PLCB1: variants seen among roughly 807,000 people sequenced by gnomAD.
PLCB1 encodes the protein 1-phosphatidylinositol 4,5-bisphosphate phosphodiesterase beta-1.
In PLCB1, 46 loss-of-function variants were observed where a neutral mutation model predicts 161.8. The ratio of observed to expected loss-of-function variants is 0.28; its 90% CI spans 0.22 to 0.36. The LOEUF is 0.36. Among genes scored for constraint, PLCB1 ranks in the 10% least tolerant of loss-of-function variants. The probability of loss-of-function intolerance (pLI) is 1.00; values close to 1 mark genes in which losing one functional copy is unlikely to be tolerated. For missense variants in PLCB1, 1,016 were observed against 1,472.5 expected, an observed-to-expected ratio of 0.69 and a Z score of 5.07; for synonymous variants, 517 against 503.7, an observed-to-expected ratio of 1.03 and a Z score of -0.35.
intron 2 of PLCB1, among the ~76,000 whole-genome samples, chr20:8,240,357 C>A (rs180964433): frequency 1.3e-5 from 2 of 151,814 alleles, no homozygotes; most frequent in Admixed American, 6.6e-5. Flanking sequence ...ATGTTCAATA[C>A]ATAGCATTTT....
At chr20:8,709,846 A>G (rs1243972695) in intron 12 of PLCB1, among the ~76,000 whole-genome samples, 1 of 152,150 alleles carries the variant, frequency 6.6e-6, no homozygotes, top group African/African-American at 2.4e-5. Context: ...AGTTTCTCCA[A>G]CGCTTCTGAG....
intron 2 of PLCB1, among the ~76,000 whole-genome samples, chr20:8,228,285 T>C (rs536203949): frequency 1.6e-4 from 24 of 152,166 alleles, no homozygotes; most frequent in Non-Finnish European, 3.5e-4. Flanking sequence ...TGATTATTCA[T>C]ACAAGTACCC....
intron 4 of PLCB1, among the ~76,000 whole-genome samples, chr20:8,631,147 G>A (rs1031044781): frequency 3.9e-5 from 6 of 152,200 alleles, no homozygotes; most frequent in African/African-American, 1.4e-4. Flanking sequence ...CACACAGGGA[G>A]CCTGTTAAAA....
At chr20:8,804,198 C>T (rs1254731106) in intron 31 of PLCB1, among the ~76,000 whole-genome samples, 1 of 152,158 alleles carries the variant, frequency 6.6e-6, no homozygotes, top group Non-Finnish European at 1.5e-5. Flanking sequence ...GCTAAGAACA[C>T]ATGACTTAGG....
chr20:8,448,434 A>G (rs1452067604), intron 3 of PLCB1, among the ~76,000 whole-genome samples: 4 of 152,186 alleles, frequency 2.6e-5, no homozygotes, highest in African/African-American at 9.6e-5. Context: ...TTGCTGATAT[A>G]CTTTTAACTA....
chr20:8,589,552 C>T (rs1987085985), intron 3 of PLCB1, among the ~76,000 whole-genome samples: 1 of 147,150 alleles, frequency 6.8e-6, no homozygotes, highest in Non-Finnish European at 1.5e-5. Flanking sequence ...AGACCATCTT[C>T]TTATTGTGTC....
At chr20:8,227,054 G>A (rs1008301371) in intron 2 of PLCB1, among the ~76,000 whole-genome samples, 1 of 152,110 alleles carries the variant, frequency 6.6e-6, no homozygotes, top group African/African-American at 2.4e-5. Flanking sequence ...ATTTCAACAT[G>A]TAATCAATAT....
chr20:8,354,609 A>G (rs1182536552), intron 2 of PLCB1, among the ~76,000 whole-genome samples: 1 of 152,250 alleles, frequency 6.6e-6, no homozygotes, highest in East Asian at 1.9e-4. Context: ...GTGGAAAAAC[A>G]GAACAAAAAG....
At chr20:8,180,305 A>G (rs1321101254) in intron 2 of PLCB1, among the ~76,000 whole-genome samples, 1 of 152,184 alleles carries the variant, frequency 6.6e-6, no homozygotes, top group Non-Finnish European at 1.5e-5. Context: ...GATAAAGCCT[A>G]TTTGATCATG....
At chr20:8,761,983 G>A (rs949796563) in intron 25 of PLCB1, among the ~76,000 whole-genome samples, 4 of 151,714 alleles carry the variant, frequency 2.6e-5, no homozygotes, top group Non-Finnish European at 5.9e-5. Context: ...CCAAGGGGGG[G>A]GCGGATCACC....
chr20:8,694,018 T>C (rs1990534651), intron 10 of PLCB1, among the ~76,000 whole-genome samples: 1 of 152,232 alleles, frequency 6.6e-6, no homozygotes. Context: ...ACTCATGACC[T>C]ATCACTAATC....
rs145989102 is a variant in PLCB1 at position 8,440,149 on chromosome 20, T to G, written c.246+68699T>G. 4.1e-3 allele frequency among the ~76,000 whole-genome samples: 631 copies of G among 152,250 alleles called. 7 individuals carry two copies. The highest frequency in any genetic ancestry group is 0.014 in the African/African-American group (601 of 41,560). On this transcript the variant is annotated intron_variant, in intron 3 of 31. Transcript: ENST00000338037. ...TGATCACCTCAAGGTCGCCATGAAA[T>G]GGGAAGATTTAAACTAGTGGTGTTT... is the stretch of plus-strand genomic sequence containing the variant.
chr20:8,224,854 G>A (rs545725598), intron 2 of PLCB1, among the ~76,000 whole-genome samples: 7 of 152,102 alleles, frequency 4.6e-5, no homozygotes, highest in East Asian at 1.9e-4. Flanking sequence ...GATGAGTTTC[G>A]TCTGGTTTTG....
chr20:8,415,737 A>G (rs1202626315), intron 3 of PLCB1, among the ~76,000 whole-genome samples: 1 of 152,226 alleles, frequency 6.6e-6, no homozygotes, highest in Non-Finnish European at 1.5e-5. Flanking sequence ...TAGGACACCA[A>G]CAGGGTCTTG....
At chr20:8,345,944 C>A (rs1220590024) in intron 2 of PLCB1, among the ~76,000 whole-genome samples, 1 of 152,174 alleles carries the variant, frequency 6.6e-6, no homozygotes, top group African/African-American at 2.4e-5. Context: ...AGAGAAGATG[C>A]CACAGTTTCT....
intron 10 of PLCB1, among the ~76,000 whole-genome samples, chr20:8,686,787 A>G (rs933168289): frequency 6.6e-6 from 1 of 152,260 alleles, no homozygotes; most frequent in South Asian, 2.1e-4. Context: ...GTTCTGGCAC[A>G]TAGAGATCTT....
At chr20:8,561,729 GA>G (rs1568508946) in intron 3 of PLCB1, among the ~76,000 whole-genome samples, 1 of 151,976 alleles carries the variant, frequency 6.6e-6, no homozygotes, top group Admixed American at 6.6e-5. Context: ...TTAGAAAGTG[GA>G]ATTTATAGAA....
chr20:8,207,220 C>A (rs980594081), intron 2 of PLCB1, among the ~76,000 whole-genome samples: 10 of 152,186 alleles, frequency 6.6e-5, no homozygotes, highest in East Asian at 5.8e-4. Flanking sequence ...ATTGAAAATA[C>A]CATCCTACAG....
chr20:8,345,381 G>A (rs975676404), intron 2 of PLCB1, among the ~76,000 whole-genome samples: 2 of 152,142 alleles, frequency 1.3e-5, no homozygotes, highest in Non-Finnish European at 2.9e-5. Context: ...AGCTTAAAAG[G>A]GAGCCCAAAC....
Sources: allele counts gnomAD v4.1 joint callset (sites outside exome capture counted in the v4.1 genomes callset), GRCh38; gene constraint gnomAD v4.1.1; transcripts MANE v1.5; gene names NCBI Gene and HGNC (gene_info 2026-07-23, HGNC 2026-07-21).